The following RANBP2 variants were observed in gnomAD, a reference collection of about 807,000 sequenced individuals.
RANBP2 encodes RAN binding protein 2, also known as E3 SUMO-protein ligase RanBP2.
Under a neutral mutation model 303.6 loss-of-function variants are expected in RANBP2, and 57 were observed. That is an observed-to-expected ratio of 0.19 (90% CI 0.15 to 0.23). RANBP2 has a LOEUF of 0.23. Ranked by LOEUF, RANBP2 falls within the 10% of genes least tolerant of loss-of-function variation. RANBP2 has a pLI of 1.00. For missense variants in RANBP2, 3,138 were observed against 3,780.8 expected (o/e 0.83, Z 4.46); for synonymous variants, 1,167 against 1,301.5 (o/e 0.90, Z 2.23).
the RANBP2 span, among the ~76,000 whole-genome samples, chr2:109,298,692 C>T: frequency 6.6e-6 from 1 of 152,032 alleles, no homozygotes; most frequent in African/African-American, 2.4e-5. Context: ...TCCTGTGGGT[C>T]CAGGTCCGTT....
chr2:109,734,178 C>A, the RANBP2 span, among the ~76,000 whole-genome samples: 175 of 135,266 alleles, frequency 1.3e-3, no homozygotes, highest in Admixed American at 1.7e-3. Context: ...GACTCCACCT[C>A]AAAAAAAAAA....
At chr2:109,027,840 C>T in the RANBP2 span, among the ~76,000 whole-genome samples, 4 of 152,202 alleles carry the variant, frequency 2.6e-5, no homozygotes, top group African/African-American at 7.2e-5. Flanking sequence ...GCTCTGAGTC[C>T]CTGCCAGTCC....
At chr2:109,439,177 G>A in the RANBP2 span, among the ~76,000 whole-genome samples, 1 of 152,200 alleles carries the variant, frequency 6.6e-6, no homozygotes, top group African/African-American at 2.4e-5. Flanking sequence ...GCAACATTGT[G>A]TCTCAGTCCT....
the RANBP2 span, among the ~76,000 whole-genome samples, chr2:109,370,611 G>A: frequency 1.3e-5 from 2 of 152,144 alleles, no homozygotes; most frequent in South Asian, 4.2e-4. Flanking sequence ...ACGTCCCACT[G>A]TGAGTCCCCA....
the RANBP2 span, chr2:109,504,141 A>C: frequency 6.6e-6 from 1 of 152,250 alleles, no homozygotes; most frequent in Non-Finnish European, 1.5e-5. Context: ...CAGGAGCAGA[A>C]TTAGCCCTTT....
At chr2:109,151,923 T>C in the RANBP2 span, among the ~76,000 whole-genome samples, 1 of 152,250 alleles carries the variant, frequency 6.6e-6, no homozygotes, top group African/African-American at 2.4e-5. Context: ...GAAGTTAATA[T>C]AATAACAGCC....
chr2:108,795,918 T>G, the RANBP2 span, among the ~76,000 whole-genome samples: 1 of 152,238 alleles, frequency 6.6e-6, no homozygotes, highest in South Asian at 2.1e-4. Flanking sequence ...TTGATAACAC[T>G]TTATAGGATA....
chr2:109,179,157 C>G, the RANBP2 span, among the ~76,000 whole-genome samples: 1 of 151,928 alleles, frequency 6.6e-6, no homozygotes, highest in Non-Finnish European at 1.5e-5. Context: ...GTACAATGTC[C>G]CTGACCAGAG....
At chr2:109,435,506 C>G in the RANBP2 span, among the ~76,000 whole-genome samples, 1 of 152,190 alleles carries the variant, frequency 6.6e-6, no homozygotes, top group Non-Finnish European at 1.5e-5. Context: ...GCTCTCGGGG[C>G]TGGGAGTATA....
the RANBP2 span, among the ~76,000 whole-genome samples, chr2:109,088,412 A>G: frequency 6.6e-6 from 1 of 151,760 alleles, no homozygotes; most frequent in East Asian, 1.9e-4. Context: ...AAAAAAAAAA[A>G]AAAAGAGCAG....
chr2:108,811,864 A>G, the RANBP2 span, among the ~76,000 whole-genome samples: 1 of 152,170 alleles, frequency 6.6e-6, no homozygotes, highest in African/African-American at 2.4e-5. Context: ...ATGAGAACAT[A>G]CAGTATTTAA....
chr2:109,410,347 T>C, the RANBP2 span, among the ~76,000 whole-genome samples: 2 of 152,230 alleles, frequency 1.3e-5, no homozygotes. Flanking sequence ...GCAGGAGCAA[T>C]GGAGCTTGCC....
At chr2:109,658,272 C>A in the RANBP2 span, among the ~76,000 whole-genome samples, 2 of 151,162 alleles carry the variant, frequency 1.3e-5, no homozygotes, top group African/African-American at 4.9e-5. Flanking sequence ...ATGGTGAAAC[C>A]CTGTCTCTAC....
At chr2:109,501,545 G>A in the RANBP2 span, 1 of 779,656 alleles carries the variant, frequency 1.3e-6, no homozygotes, top group South Asian at 1.3e-5. Context: ...GTGAGGCGGA[G>A]ATCGAGCTGA....
At chr2:109,159,099 A>G in the RANBP2 span, among the ~76,000 whole-genome samples, 8 of 152,054 alleles carry the variant, frequency 5.3e-5, no homozygotes, top group African/African-American at 1.9e-4. Context: ...CCTGGGCGAC[A>G]GAGTGAGATT....
chr2:109,367,934 T>A, the RANBP2 span, among the ~76,000 whole-genome samples: 1 of 152,230 alleles, frequency 6.6e-6, no homozygotes, highest in African/African-American at 2.4e-5. Flanking sequence ...AAGTGCCTGT[T>A]CCATGCATAC....
the RANBP2 span, among the ~76,000 whole-genome samples, chr2:109,464,475 T>C: frequency 1.2e-4 from 18 of 152,300 alleles, no homozygotes; most frequent in Admixed American, 4.6e-4. Context: ...CATGTAAACA[T>C]CTGTACACAT....
At chr2:109,598,507 C>A in the RANBP2 span, among the ~76,000 whole-genome samples, 3 of 151,974 alleles carry the variant, frequency 2.0e-5, no homozygotes, top group African/African-American at 7.3e-5. Flanking sequence ...ATAATGTGAG[C>A]GAGAGCGAGA....
the RANBP2 span, among the ~76,000 whole-genome samples, chr2:109,515,417 G>GCTTCATC: frequency 6.6e-6 from 1 of 152,144 alleles, no homozygotes; most frequent in African/African-American, 2.4e-5. Context: ...TTGCTAACTT[G>GCTTCATC]CTTCATCTCA....
Sources: allele counts gnomAD v4.1 joint callset (sites outside exome capture counted in the v4.1 genomes callset), GRCh38; gene constraint gnomAD v4.1.1; transcripts MANE v1.5; gene names NCBI Gene and HGNC (gene_info 2026-07-23, HGNC 2026-07-21).